The following PCDHGB5 variants were observed in gnomAD, a reference collection of about 807,000 sequenced individuals.
PCDHGB5 encodes the protein protocadherin gamma subfamily B, 5, also known as protocadherin gamma-B5.
Under a neutral mutation model 62.9 loss-of-function variants are expected in PCDHGB5, and 48 were observed. The ratio of observed to expected loss-of-function variants is 0.76; its 90% confidence interval spans 0.61 to 0.97. The LOEUF is 0.97. Ranked by LOEUF, PCDHGB5 falls within the 50% of genes least tolerant of loss-of-function variation. PCDHGB5 has a pLI of 0.00. For synonymous variants in PCDHGB5, 474 were observed against 511.2 expected, an observed-to-expected ratio of 0.93 and a Z score of 0.98; for missense variants, 1,118 against 1,198.6, an observed-to-expected ratio of 0.93 and a Z score of 0.99.
At chr5:141,419,084 G>A in intron 1 of PCDHGB5, 2 of 1,613,920 alleles carry the variant, frequency 1.2e-6, no homozygotes, top group Non-Finnish European at 1.7e-6. Flanking sequence ...AACAGATGAG[G>A]CCCTGGATCG....
At position 141,511,462 on chromosome 5, in the gene PCDHGB5, C is replaced by A. The variant is rs1385398410; in HGVS notation, c.*289C>A. ...AGACACCAAGAACCATTTGCCACAC[C>A]CCGTTTAGTTACAGCTGAACTCCTC... On this transcript the variant is annotated 3_prime_UTR_variant, in exon 4 of 4. Coordinates refer to ENST00000617380, the MANE Select transcript of PCDHGB5 (RefSeq NM_018925.3). The A allele has an allele frequency of 4.7e-5, 26 of 556,350 alleles. No individual in the cohort carries two copies. Among genetic ancestry groups the A allele is most frequent in the Non-Finnish European group, 9.1e-6 (3 of 329,202 alleles). 34.5% of individuals were successfully genotyped at this position (556,350 alleles called of 1,614,324 possible). A position where few individuals can be genotyped will look rare whatever the true frequency, so the allele number is the denominator to read the frequency against.
rs369851570 is a variant in PCDHGB5, at chr5:141,408,393, G to T, written c.2397+7869G>T. 1.7e-5 allele frequency: 28 copies of T among 1,613,918 alleles called. No individual in the cohort carries two copies. In the Admixed American group the frequency reaches 2.2e-4, roughly 12 times the overall value. On this transcript the variant is annotated intron_variant, in intron 1 of 3. Coordinates refer to ENST00000617380, the MANE Select transcript of PCDHGB5 (RefSeq NM_018925.3). Reference sequence around the variant, plus strand: ...CTCAGTGTCCTGGATGTGTCGGCTCGCAAGCTGCGAGTGAGCGCGGAGAAG... The same window carrying T: ...CTCAGTGTCCTGGATGTGTCGGCTCTCAAGCTGCGAGTGAGCGCGGAGAAG...
rs754268147 is a variant in PCDHGB5, at chr5:141,410,352, G to C, written c.2397+9828G>C. ...CTGGCCATTGCCTTGCGCCTGCGAC[G>C]CTCTCTCAGCCCTGCTACTTGGGAC... On this transcript the variant is annotated intron_variant, in intron 1 of 3. Coordinates refer to ENST00000617380, the MANE Select transcript of PCDHGB5 (RefSeq NM_018925.3). The C allele has an allele frequency of 6.2e-6, 10 of 1,614,022 alleles. No homozygotes were observed. In the South Asian group the frequency reaches 1.1e-4, roughly 18 times the overall value.
intron 1 of PCDHGB5, among the ~76,000 whole-genome samples, chr5:141,473,719 T>C (rs998018115): frequency 6.6e-6 from 1 of 152,124 alleles, no homozygotes; most frequent in African/African-American, 2.4e-5. Context: ...CAATGGAATA[T>C]AGTGAGAGAG....
In PCDHGB5 at chr5:141,399,641, C is replaced by G; in HGVS notation, c.1514C>G (p.Ala505Gly). The G allele has an allele frequency of 6.2e-7, 1 of 1,613,852 alleles. No individual in the cohort carries two copies. The highest frequency in any genetic ancestry group is 8.5e-7 in the Non-Finnish European group (1 of 1,179,894). ...LALASYVSMS[A>G]QSGVVFAQRA... Reference sequence around the variant, plus strand: ...CTGGCCTCTTACGTGTCCATGAGCGCGCAAAGTGGGGTGGTGTTCGCGCAG... The same window carrying G: ...CTGGCCTCTTACGTGTCCATGAGCGGGCAAAGTGGGGTGGTGTTCGCGCAG... The change falls in exon 1 of 4, where the codon GCG becomes GGG. Residue 505 changes from alanine to glycine, a missense_variant. Physicochemically the swap from Ala to Gly is moderately conservative, Grantham distance 60. Transcript: ENST00000617380.
At position 141,476,581 on chromosome 5, in the gene PCDHGB5, G is replaced by A. The variant is rs1393235114; in HGVS notation, c.2398-18226G>A. The A allele has an allele frequency of 5.0e-6, 8 of 1,614,230 alleles. No individual in the cohort carries two copies. The highest frequency in any genetic ancestry group is 6.8e-6 in the Non-Finnish European group (8 of 1,180,042). ...CCGTGGCTCCGGGGACGCGCTTTCC[G>A]CTCGAGAGCGCGCACGATCCCGATG... On this transcript the variant is annotated intron_variant, in intron 1 of 3. Transcript: ENST00000617380. This position sits in a 1 kb window ranked among gnomAD's most constrained non-coding sequence, Gnocchi z 7.6.
intron 1 of PCDHGB5, among the ~76,000 whole-genome samples, chr5:141,484,795 C>T (rs1265916821): frequency 6.6e-6 from 1 of 151,784 alleles, no homozygotes; most frequent in African/African-American, 2.4e-5. Context: ...AGATAACAAC[C>T]CGTGGAAAAA....
At chr5:141,453,430 C>A (rs1043851647) in intron 1 of PCDHGB5, among the ~76,000 whole-genome samples, 1 of 152,018 alleles carries the variant, frequency 6.6e-6, no homozygotes, top group Non-Finnish European at 1.5e-5. Flanking sequence ...CCACACCTAG[C>A]CTAGTATTCT....
Position 141,476,160 on chromosome 5 carries a change from G to A in PCDHGB5, c.2398-18647G>A, listed in dbSNP as rs781765205. 4.3e-6 allele frequency: 7 copies of A among 1,612,858 alleles called. No homozygotes were observed. The highest frequency in any genetic ancestry group is 5.9e-6 in the Non-Finnish European group (7 of 1,179,926). On this transcript the variant is annotated intron_variant, in intron 1 of 3. Coordinates refer to ENST00000617380, the MANE Select transcript of PCDHGB5 (RefSeq NM_018925.3). This position sits in a 1 kb window ranked among gnomAD's most constrained non-coding sequence, Gnocchi z 7.6. ...AGGAGCGGACTGGTAAGCACCGGGA[G>A]GGTAGTGGGAGTTTTGCTTCTGCTT...
chr5:141,469,595 CAAAAT>C (rs919167679), intron 1 of PCDHGB5, among the ~76,000 whole-genome samples: 3 of 151,998 alleles, frequency 2.0e-5, no homozygotes, highest in Admixed American at 6.6e-5. Context: ...ATAAATAAAA[CAAAAT>C]AAGTAAAATA....
chr5:141,500,554 C>A (rs2099801320), intron 2 of PCDHGB5, among the ~76,000 whole-genome samples: 1 of 152,212 alleles, frequency 6.6e-6, no homozygotes, highest in Admixed American at 6.5e-5. Context: ...AAGTTGTTCA[C>A]AAACTTGTCA....
intron 1 of PCDHGB5, chr5:141,418,947 G>T (rs534744990): frequency 6.2e-7 from 1 of 1,614,022 alleles, no homozygotes; most frequent in African/African-American, 1.3e-5. Context: ...TCCCCTCCAG[G>T]AGTGGTTGTT....
At position 141,432,247 on chromosome 5, in the gene PCDHGB5, C is replaced by G. The variant is rs139910620; in HGVS notation, c.2397+31723C>G. 61 of 1,614,264 alleles carry G rather than the reference C, an allele frequency of 3.8e-5. No homozygotes were observed. The African/African-American group carries it at 6.3e-4, about 17-fold the overall frequency. On this transcript the variant is annotated intron_variant, in intron 1 of 3. Transcript: ENST00000617380. The surrounding 1 kb of genome is among the most constrained non-coding windows in gnomAD (Gnocchi z 6.0). ...CTTATTCCCTGGCTGAGAACACCAT[C>G]CAAGGGGCAAGCCTATCGTCCTACG...
chr5:141,475,977 A>C, intron 1 of PCDHGB5: 1 of 972,828 alleles, frequency 1.0e-6, no homozygotes, highest in Non-Finnish European at 1.5e-6. Flanking sequence ...GAGACTGAAC[A>C]GCCGGCGAGC....
Position 141,399,217 on chromosome 5 carries a change from TTGATCAAAATACA to T in PCDHGB5, c.1094_1106del (p.Ile365ThrfsTer33), listed in dbSNP as rs2093771382. The T allele has an allele frequency of 6.2e-7, 1 of 1,613,854 alleles. No homozygotes were observed. Among genetic ancestry groups the T allele is most frequent in the African/African-American group, 1.3e-5 (1 of 74,944 alleles). On this transcript the variant is annotated frameshift_variant, in exon 1 of 4. Coordinates refer to ENST00000617380, the MANE Select transcript of PCDHGB5 (RefSeq NM_018925.3). LOFTEE classifies it high-confidence loss of function. ...CGCGGTGCCTGGAACACTAATTGCTTTGATCAAAATACATGACCAAGATTCTGGGGAAAATGGG... is the reference window on the plus strand; with the variant it reads ...CGCGGTGCCTGGAACACTAATTGCTTTGACCAAGATTCTGGGGAAAATGGG...
At chr5:141,409,021 C>T in intron 1 of PCDHGB5, 4 of 1,613,972 alleles carry the variant, frequency 2.5e-6, no homozygotes, top group Non-Finnish European at 3.4e-6. Context: ...ATGAGGGGGT[C>T]AATGCTGAGA....
intron 1 of PCDHGB5, among the ~76,000 whole-genome samples, chr5:141,437,990 C>G (rs1298325497): frequency 1.3e-5 from 2 of 152,148 alleles, no homozygotes; most frequent in Non-Finnish European, 2.9e-5. Flanking sequence ...CCCACCCCAC[C>G]TCAGCCTCCC....
At position 141,420,019 on chromosome 5, in the gene PCDHGB5, C is replaced by T. The variant is rs2096459006; in HGVS notation, c.2397+19495C>T. 13 of 1,614,072 alleles carry T rather than the reference C, an allele frequency of 8.1e-6. No homozygotes were observed. In the East Asian group the frequency reaches 2.7e-4, roughly 33 times the overall value. On this transcript the variant is annotated intron_variant, in intron 1 of 3. Coordinates refer to ENST00000617380, the MANE Select transcript of PCDHGB5 (RefSeq NM_018925.3). ...CTCTACGCCTGCGACAGTCTTTCAGCCCTACTGCAGGAGACTGCTTTGAGT... is the reference window on the plus strand; with the variant it reads ...CTCTACGCCTGCGACAGTCTTTCAGTCCTACTGCAGGAGACTGCTTTGAGT...
chr5:141,427,111 C>G (rs1324091636), intron 1 of PCDHGB5: 7 of 457,560 alleles, frequency 1.5e-5, no homozygotes, highest in South Asian at 1.1e-4. Context: ...GCGGAGATCA[C>G]CTACTCTTTC....
Sources: gnomAD v4.1 joint callset for allele counts (sites outside exome capture counted in the v4.1 genomes callset) on GRCh38, gnomAD v4.1.1 for gene constraint, Gnocchi (gnomAD v3.1) non-coding constraint, MANE v1.5 for transcripts, NCBI Gene and HGNC (gene_info 2026-07-23, HGNC 2026-07-21) for gene names.